Variants in NCOA7 observed in about 807,000 individuals in gnomAD.
The protein encoded by NCOA7 is 140 kDa estrogen receptor-associated protein.
A neutral mutation model predicts 104.3 loss-of-function variants in NCOA7; 45 were observed. That is an observed-to-expected ratio of 0.43 (90% CI 0.34 to 0.55). The LOEUF is 0.55. Ranked by LOEUF, NCOA7 falls within the 20% of genes least tolerant of loss-of-function variation. NCOA7 has a pLI of 0.02. For synonymous variants in NCOA7, 398 were observed against 402.3 expected, an observed-to-expected ratio of 0.99 and a Z score of 0.13; for missense variants, 1,041 against 1,119.7, an observed-to-expected ratio of 0.93 and a Z score of 1.00.
At chr6:125,883,713 C>CTTTTT (rs35489978) in intron 7 of NCOA7, among the ~76,000 whole-genome samples, 10 of 85,950 alleles carry the variant, frequency 1.2e-4, no homozygotes, top group Admixed American at 1.5e-4. Context: ...ACCTACACCT[C>CTTTTT]TTTTTTTTTT....
chr6:125,798,804 A>G (rs1562773925), intron 1 of NCOA7, among the ~76,000 whole-genome samples: 1 of 152,206 alleles, frequency 6.6e-6, no homozygotes, highest in African/African-American at 2.4e-5. Flanking sequence ...TAATTATTGA[A>G]CATTATTACA....
chr6:125,889,603 T>G lies in NCOA7; in HGVS notation c.1549T>G (p.Leu517Val). Residue 517 changes from leucine (L) to valine (V), a missense_variant, in exon 9 of 16, where the codon TTA (leucine) becomes GTA (valine). Physicochemically the swap from Leu to Val is conservative, Grantham distance 32 (BLOSUM62 1). Around this residue, in one of 2 missense-constraint regions of NCOA7, gnomAD observed 914 missense variants for 942.7 expected, o/e 0.97. Transcript: ENST00000392477. ...AAACACACTGAACATACATGAAGAT[T>G]TAGATAAAGTTAAACTCATTGAATA... ...VENTLNIHEDLDKVKLIEYYL... is the reference protein window; with the variant it reads ...VENTLNIHEDVDKVKLIEYYL... 6.2e-7 allele frequency: 1 copy of G among 1,613,732 alleles called. No individual in the cohort carries two copies. Among genetic ancestry groups the G allele is most frequent in the African/African-American group, 1.3e-5 (1 of 74,964 alleles).
chr6:125,788,496 C>A (rs1478321016), upstream of NCOA7, among the ~76,000 whole-genome samples: 1 of 151,118 alleles, frequency 6.6e-6, no homozygotes, highest in Non-Finnish European at 1.5e-5. Context: ...TAGAGGAGTT[C>A]ATAAAGATGG....
intron 1 of NCOA7, among the ~76,000 whole-genome samples, chr6:125,802,670 A>G (rs1297588207): frequency 6.6e-6 from 1 of 152,222 alleles, no homozygotes; most frequent in Non-Finnish European, 1.5e-5. Flanking sequence ...ATTATCTTAC[A>G]GCAAGGGAAG....
chr6:125,882,463 A>C lies in NCOA7; in HGVS notation c.611A>C (p.Glu204Ala). The C allele has an allele frequency of 6.2e-7, 1 of 1,613,788 alleles. No homozygotes were observed. Among genetic ancestry groups the C allele is most frequent in the Non-Finnish European group, 8.5e-7 (1 of 1,179,858 alleles). The change falls in exon 7 of 16, where the codon GAA (glutamate) becomes GCA (alanine). Residue 204 changes from glutamate (E) to alanine (A), a missense_variant. Physicochemically the swap from Glu to Ala is moderately radical, Grantham distance 107. Transcript: ENST00000392477. The stretch of plus-strand genomic sequence containing the variant: ...GCACGAAAGGCCTTGAAACCCATTG[A>C]AAGAGTCTTATCGTCTACTTCTGAA... ...DLARKALKPI[E>A]RVLSSTSEED...
intron 1 of NCOA7, among the ~76,000 whole-genome samples, chr6:125,784,987 AACACACACACACACAC>A (rs3084325): frequency 1.1e-4 from 16 of 148,410 alleles, no homozygotes; most frequent in African/African-American, 3.5e-4. Flanking sequence ...GTTGCATATA[AACACACACACACACAC>A]ACACACACAC....
rs1010173997 is a variant in NCOA7 at position 125,895,981 on chromosome 6, G to C, written c.2096+5171G>C. ...TATGTATATATGTGTGTGTGTGTGT[G>C]TGTGTGTGTCTGTGTGTGTATATAT... is the stretch of plus-strand genomic sequence containing the variant. On this transcript the variant is annotated intron_variant, in intron 10 of 15. Transcript: ENST00000392477. 5.1e-3 allele frequency among the ~76,000 whole-genome samples: 765 copies of C among 149,440 alleles called. 9 individuals are homozygous for C. The highest frequency in any genetic ancestry group is 0.018 in the African/African-American group (735 of 40,838).
chr6:125,888,996 T>C lies in NCOA7; in HGVS notation c.942T>C (p.Ala314=). The C allele has an allele frequency of 1.2e-6, 2 of 1,614,046 alleles. No individual in the cohort carries two copies. The highest frequency in any genetic ancestry group is 1.7e-6 in the Non-Finnish European group (2 of 1,179,948). ...LYRPGEWEDL[A]SEKDINPFSK... is the part of the protein sequence containing the mutation. ...GGCCTGGAGAATGGGAAGACCTGGCTTCAGAAAAGGATATCAACCCATTCA... is the reference window on the plus strand; with the variant it reads ...GGCCTGGAGAATGGGAAGACCTGGCCTCAGAAAAGGATATCAACCCATTCA... Residue 314 remains alanine (A), a synonymous_variant, in exon 9 of 16, where the codon GCT becomes GCC. Transcript: ENST00000392477.
intron 3 of NCOA7, among the ~76,000 whole-genome samples, chr6:125,866,880 A>C (rs1782483902): frequency 6.6e-6 from 1 of 152,112 alleles, no homozygotes; most frequent in Admixed American, 6.5e-5. Flanking sequence ...GGATAGTCTT[A>C]TGTATTTGTG....
At chr6:125,789,111 G>T (rs571310404), upstream of NCOA7, among the ~76,000 whole-genome samples, 1 of 152,126 alleles carries the variant, frequency 6.6e-6, no homozygotes, top group Non-Finnish European at 1.5e-5. Context: ...TGACTTCAAC[G>T]TGTTACTTAT....
chr6:125,822,251 A>C (rs1022879869), intron 2 of NCOA7, among the ~76,000 whole-genome samples: 2 of 152,378 alleles, frequency 1.3e-5, no homozygotes, highest in African/African-American at 4.8e-5. Flanking sequence ...GTGTTGATAC[A>C]TAAAACGCAA....
intron 1 of NCOA7, among the ~76,000 whole-genome samples, chr6:125,815,009 G>A (rs1364670193): frequency 6.6e-6 from 1 of 152,108 alleles, no homozygotes; most frequent in South Asian, 2.1e-4. Flanking sequence ...TCCAAAGTCA[G>A]TGAAGGTTTT....
chr6:125,832,237 G>A (rs1043162844), intron 2 of NCOA7, among the ~76,000 whole-genome samples: 1 of 152,136 alleles, frequency 6.6e-6, no homozygotes, highest in Non-Finnish European at 1.5e-5. Flanking sequence ...TTTCTTCCAT[G>A]ACAGTCAATC....
chr6:125,903,238 G>A (rs945623979), intron 10 of NCOA7, among the ~76,000 whole-genome samples: 1 of 152,164 alleles, frequency 6.6e-6, no homozygotes, highest in South Asian at 2.1e-4. Flanking sequence ...AAAGGTGAGG[G>A]CCAGATTTTA....
chr6:125,897,455 T>C (rs914113723), intron 10 of NCOA7, among the ~76,000 whole-genome samples: 2 of 152,236 alleles, frequency 1.3e-5, no homozygotes, highest in African/African-American at 4.8e-5. Flanking sequence ...TTTTATTCCT[T>C]AAATAGGCTT....
At chr6:125,924,312 G>A (rs946402634) in intron 13 of NCOA7, among the ~76,000 whole-genome samples, 5 of 152,222 alleles carry the variant, frequency 3.3e-5, no homozygotes, top group African/African-American at 4.8e-5. Context: ...CTTCCTGTGC[G>A]ATTTGTAAAG....
At chr6:125,817,327 T>C (rs1328760486) in intron 2 of NCOA7, among the ~76,000 whole-genome samples, 1 of 152,224 alleles carries the variant, frequency 6.6e-6, no homozygotes, top group Non-Finnish European at 1.5e-5. Flanking sequence ...ATTTTTAGTT[T>C]TATAAAAAAG....
intron 10 of NCOA7, among the ~76,000 whole-genome samples, chr6:125,911,988 C>T (rs1280436156): frequency 6.6e-6 from 1 of 152,196 alleles, no homozygotes; most frequent in South Asian, 2.1e-4. Context: ...CTGAAACATT[C>T]GTTAACTCGG....
chr6:125,830,654 C>T (rs558146179), intron 2 of NCOA7, among the ~76,000 whole-genome samples: 8 of 151,598 alleles, frequency 5.3e-5, no homozygotes, highest in Non-Finnish European at 1.0e-4. Context: ...CTGCAGTGAG[C>T]TTTAATCATG....
Sources: gnomAD v4.1 joint callset for allele counts (sites outside exome capture counted in the v4.1 genomes callset) on GRCh38, gnomAD v4.1.1 for gene constraint, gnomAD v4.1.1 regional missense constraint, MANE v1.5 for transcripts, NCBI Gene and HGNC (gene_info 2026-07-23, HGNC 2026-07-21) for gene names.